The following HYDIN variants were observed in gnomAD, a reference collection of about 807,000 sequenced individuals.
HYDIN encodes HYDIN axonemal central pair apparatus protein, also known as axonemal central pair apparatus protein HYDIN.
HYDIN carries 132 observed loss-of-function variants against 403.9 expected under a neutral mutation model. That is an observed-to-expected ratio of 0.33 (90% CI 0.28 to 0.38). HYDIN has a LOEUF of 0.38. Among genes scored for constraint, HYDIN ranks in the 10% least tolerant of loss-of-function variants. HYDIN has a pLI of 1.00. For synonymous variants in HYDIN, 1,202 were observed against 1,891.7 expected (o/e 0.64, Z 9.46); for missense variants, 2,827 against 5,009.5 (o/e 0.56, Z 13.15).
At chr16:70,893,208 C>T (rs1362814939) in intron 55 of HYDIN, among the ~76,000 whole-genome samples, 3 of 152,208 alleles carry the variant, frequency 2.0e-5, no homozygotes, top group African/African-American at 7.2e-5. Context: ...ATCACCTGTT[C>T]CAACCTGAGA....
chr16:71,222,494 G>C (rs1425385664), intron 1 of HYDIN, among the ~76,000 whole-genome samples: 1 of 151,860 alleles, frequency 6.6e-6, no homozygotes, highest in African/African-American at 2.4e-5. Flanking sequence ...AGAGCAACCA[G>C]CAAGAGAAAA....
At chr16:70,826,381 A>G (rs2036588787) in intron 83 of HYDIN, among the ~76,000 whole-genome samples, 1 of 151,916 alleles carries the variant, frequency 6.6e-6, no homozygotes, top group Admixed American at 6.6e-5. Flanking sequence ...TTTCATTTCT[A>G]GAGTCTCTAA....
chr16:71,228,950 T>C (rs1295196356), intron 1 of HYDIN, among the ~76,000 whole-genome samples: 3 of 151,990 alleles, frequency 2.0e-5, no homozygotes, highest in Non-Finnish European at 4.4e-5. Flanking sequence ...ATGTGGCACA[T>C]ATATACCATG....
chr16:71,186,814 C>T lies in HYDIN; in HGVS notation c.82G>A (p.Val28Ile). ...ACCTTTGGACTCAGGGGTGGCAAAA[C>T]CTTGCTTTGAAATCCTTTGAACATA... is the stretch of plus-strand genomic sequence containing the variant. ...VNMFKGFQSK[V>I]LPPLSPKVVT... The change falls in exon 2 of 86, where the codon GTT becomes ATT. Residue 28 changes from valine to isoleucine, a missense_variant. By Grantham distance (29) the Val-to-Ile change is conservative (BLOSUM62 3). Coordinates refer to ENST00000393567, the MANE Select transcript of HYDIN (RefSeq NM_001270974.2). The T allele has an allele frequency of 6.2e-7, 1 of 1,613,546 alleles. No individual in the cohort carries two copies. Among genetic ancestry groups the T allele is most frequent in the Non-Finnish European group, 8.5e-7 (1 of 1,179,656 alleles).
At chr16:71,203,790 A>G (rs1028177621) in intron 1 of HYDIN, 6 of 455,912 alleles carry the variant, frequency 1.3e-5, no homozygotes, top group Non-Finnish European at 2.6e-5. Flanking sequence ...GTGAGTCCAG[A>G]ACAGATAACA....
At chr16:70,969,035 G>C (rs2078664622) in intron 36 of HYDIN, among the ~76,000 whole-genome samples, 1 of 152,164 alleles carries the variant, frequency 6.6e-6, no homozygotes, top group African/African-American at 2.4e-5. Flanking sequence ...GAATGAAATG[G>C]ATGGAGAAGA....
chr16:70,966,310 C>T (rs2078571227), intron 36 of HYDIN, among the ~76,000 whole-genome samples: 1 of 150,708 alleles, frequency 6.6e-6, no homozygotes, highest in Non-Finnish European at 1.5e-5. Flanking sequence ...CAACAGAAGC[C>T]ACTAAGGATC....
At chr16:70,930,994 A>G (rs1375696635) in intron 45 of HYDIN, among the ~76,000 whole-genome samples, 1 of 152,120 alleles carries the variant, frequency 6.6e-6, no homozygotes, top group Admixed American at 6.6e-5. Flanking sequence ...GACAAGAACT[A>G]TATGCAGCTA....
Position 70,804,380 on chromosome 16 carries a change from G to A in HYDIN, c.*3200C>T, listed in dbSNP as rs182085840. Among the ~76,000 whole-genome samples, 10 of 152,352 alleles carry A rather than the reference G, an allele frequency of 6.6e-5. No homozygotes were observed. Among genetic ancestry groups the A allele is most frequent in the Admixed American group, 2.0e-4 (3 of 15,306 alleles). On this transcript the variant is annotated 3_prime_UTR_variant, in exon 86 of 86. Transcript: ENST00000393567. Reference sequence around the variant, plus strand: ...AAGTGATGATCAAAGGTCACTGAGTGATGAGATGGGAGGAGACCCTCAAAT... The same window carrying A: ...AAGTGATGATCAAAGGTCACTGAGTAATGAGATGGGAGGAGACCCTCAAAT...
intron 37 of HYDIN, among the ~76,000 whole-genome samples, chr16:70,963,939 T>C (rs1203222518): frequency 2.8e-4 from 41 of 148,252 alleles, no homozygotes; most frequent in Admixed American, 8.1e-4. Context: ...GGAGGCATTG[T>C]GAAGAAAATA....
At chr16:71,090,394 T>C (rs1415229191) in intron 11 of HYDIN, 1 of 150,596 alleles carries the variant, frequency 6.6e-6, no homozygotes, top group South Asian at 2.1e-4. Context: ...TACTAACTTC[T>C]CATATTGCTG....
chr16:71,134,499 C>T (rs2084838080), intron 8 of HYDIN, among the ~76,000 whole-genome samples: 1 of 151,760 alleles, frequency 6.6e-6, no homozygotes, highest in South Asian at 2.1e-4. Context: ...TCACCCCATT[C>T]GCTAAAGATC....
chr16:71,049,274 T>A (rs2081557082), intron 18 of HYDIN, among the ~76,000 whole-genome samples: 1 of 152,170 alleles, frequency 6.6e-6, no homozygotes, highest in Admixed American at 6.5e-5. Flanking sequence ...CTCCCCGCAT[T>A]TGAAAGAAGG....
intron 9 of HYDIN, among the ~76,000 whole-genome samples, chr16:71,120,833 C>A (rs1253650683): frequency 6.6e-6 from 1 of 151,888 alleles, no homozygotes; most frequent in Non-Finnish European, 1.5e-5. Context: ...TAGTTTACGA[C>A]TCAACTTTTA....
In HYDIN at chr16:71,069,329, T is replaced by C. The variant is rs368078895; in HGVS notation, c.1912A>G (p.Lys638Glu). 2.5e-6 allele frequency: 4 copies of C among 1,613,950 alleles called. No individual in the cohort carries two copies. Among genetic ancestry groups the C allele is most frequent in the Non-Finnish European group, 3.4e-6 (4 of 1,180,000 alleles). Residue 638 changes from lysine (K) to glutamate (E), a missense_variant, in exon 14 of 86, where the codon AAA becomes GAA. Transcript: ENST00000393567. ...TKEEISSMKP[K>E]EFTISPDCGT... ...CAGTCAGGAGAGATGGTGAATTCTTTTGGTTTCATTGAGGATATTTCTTCC... is the reference window on the plus strand; with the variant it reads ...CAGTCAGGAGAGATGGTGAATTCTTCTGGTTTCATTGAGGATATTTCTTCC...
intron 18 of HYDIN, among the ~76,000 whole-genome samples, chr16:71,032,254 T>A (rs974972150): frequency 3.3e-5 from 5 of 151,866 alleles, no homozygotes; most frequent in Admixed American, 2.0e-4. Flanking sequence ...GGCACAATAC[T>A]CTTTATGGAG....
intron 23 of HYDIN, among the ~76,000 whole-genome samples, chr16:71,015,721 A>C (rs1395000492): frequency 6.7e-6 from 1 of 148,514 alleles, no homozygotes; most frequent in Non-Finnish European, 1.5e-5. Flanking sequence ...GCAGGAGAGA[A>C]GAGGGTGACT....
chr16:71,213,024 G>C (rs2088679176), intron 1 of HYDIN, among the ~76,000 whole-genome samples: 1 of 152,116 alleles, frequency 6.6e-6, no homozygotes, highest in Non-Finnish European at 1.5e-5. Flanking sequence ...AAGACAGTAG[G>C]ATGATGCATT....
chr16:71,023,009 T>C lies in HYDIN; in HGVS notation c.3186+2374A>G, dbSNP rs369373812. Among the ~76,000 whole-genome samples, 910 of 152,012 alleles carry C rather than the reference T, an allele frequency of 6.0e-3. 10 individuals are homozygous for C. The highest frequency in any genetic ancestry group is 0.017 in the African/African-American group (712 of 41,468). The stretch of plus-strand genomic sequence containing the variant: ...AAGAAACTAGGCTGCATATTTAACA[T>C]ATATTACGTCTTGCCCAGAATAGCT... On this transcript the variant is annotated intron_variant, in intron 21 of 85. Transcript: ENST00000393567.
Sources: allele counts gnomAD v4.1 joint callset (sites outside exome capture counted in the v4.1 genomes callset), GRCh38; gene constraint gnomAD v4.1.1; transcripts MANE v1.5; gene names NCBI Gene and HGNC (gene_info 2026-07-23, HGNC 2026-07-21).